The following ZNF727 variants were observed in gnomAD, a reference collection of about 807,000 sequenced individuals.
ZNF727 encodes the protein zinc finger protein 727.
Under a neutral mutation model 11.5 loss-of-function variants are expected in ZNF727, and 11 were observed. That is an observed-to-expected ratio of 0.95 (90% CI 0.60 to 1.58). The LOEUF (loss-of-function observed/expected upper bound fraction) is 1.58. Ranked by LOEUF, ZNF727 falls within the 40% of genes most tolerant of loss-of-function variation. ZNF727 has a pLI of 0.00. For synonymous variants in ZNF727, 171 were observed against 196.1 expected (o/e 0.87, Z 1.07); for missense variants, 533 against 581.7 (o/e 0.92, Z 0.86).
Position 64,053,925 on chromosome 7 carries a change from A to C in ZNF727, c.3+8301A>C, listed in dbSNP as rs532219078. 3.3e-5 allele frequency among the ~76,000 whole-genome samples: 5 copies of C among 152,310 alleles called. No homozygotes were observed. In the East Asian group the frequency reaches 9.7e-4, roughly 29 times the overall value. ...AGGTTAACTCACATTAATCAGATAA[A>C]AAAGTTGTGTCTAATTTCTCATTGT... On this transcript the variant is annotated intron_variant, in intron 1 of 3. Coordinates refer to ENST00000456806, the MANE Select transcript of ZNF727 (RefSeq NM_001159522.3).
At position 64,084,481 on chromosome 7, in the gene ZNF727, G is replaced by A. The variant is rs1277739421; in HGVS notation, c.*5932G>A. Among the ~76,000 whole-genome samples, 3 of 152,136 alleles carry A rather than the reference G, an allele frequency of 2.0e-5. No homozygotes were observed. The highest frequency in any genetic ancestry group is 7.2e-5 in the African/African-American group (3 of 41,428). ...ACAGATGGTAACAATATACTATTGT[G>A]TGACTGTGGAATAACATCTCTAGTG... On this transcript the variant is annotated 3_prime_UTR_variant, in exon 4 of 4. Coordinates refer to ENST00000456806, the MANE Select transcript of ZNF727 (RefSeq NM_001159522.3).
intron 3 of ZNF727, among the ~76,000 whole-genome samples, chr7:64,072,390 G>T (rs1667819585): frequency 1.3e-5 from 2 of 152,098 alleles, no homozygotes; most frequent in African/African-American, 2.4e-5. Context: ...TTGATCTGTA[G>T]GGCTAGCACT....
chr7:64,061,437 T>A (rs1309541298), intron 1 of ZNF727, among the ~76,000 whole-genome samples: 1 of 151,446 alleles, frequency 6.6e-6, no homozygotes, highest in Admixed American at 6.6e-5. Flanking sequence ...TTGTTTTCTC[T>A]TTTTATAGTT....
chr7:64,083,349 C>A lies in ZNF727; in HGVS notation c.*4800C>A, dbSNP rs770881160. On this transcript the variant is annotated 3_prime_UTR_variant, in exon 4 of 4. Coordinates refer to ENST00000456806, the MANE Select transcript of ZNF727 (RefSeq NM_001159522.3). ...TCCCAGGGAGGTACCGTACTGCTAC[C>A]AATGGTTGGCTGGAATTTTAAGCCA... Among the ~76,000 whole-genome samples, 55 of 152,206 alleles carry A rather than the reference C, an allele frequency of 3.6e-4. No homozygotes were observed. The highest frequency in any genetic ancestry group is 7.1e-4 in the Non-Finnish European group (48 of 68,044).
chr7:64,063,387 C>G (rs1344963755), intron 1 of ZNF727, among the ~76,000 whole-genome samples: 3 of 152,134 alleles, frequency 2.0e-5, no homozygotes, highest in Non-Finnish European at 4.4e-5. Flanking sequence ...GTAGAGGTAC[C>G]ACTTTGGTGG....
At chr7:64,047,476 C>G (rs1312364824) in intron 1 of ZNF727, among the ~76,000 whole-genome samples, 2 of 152,300 alleles carry the variant, frequency 1.3e-5, no homozygotes, top group Admixed American at 6.5e-5. Flanking sequence ...CCCAGCATGT[C>G]TTTGGATCCT....
chr7:64,059,014 C>T (rs1056474583), intron 1 of ZNF727, among the ~76,000 whole-genome samples: 5 of 149,084 alleles, frequency 3.4e-5, no homozygotes, highest in East Asian at 2.1e-4. Context: ...GCACGATCTA[C>T]GCTCACTGCA....
At chr7:64,051,006 C>T (rs1170883535) in intron 1 of ZNF727, among the ~76,000 whole-genome samples, 1 of 152,038 alleles carries the variant, frequency 6.6e-6, no homozygotes, top group Non-Finnish European at 1.5e-5. Flanking sequence ...AGAGTGATCA[C>T]TATTTAAAGC....
intron 3 of ZNF727, among the ~76,000 whole-genome samples, chr7:64,075,169 G>A (rs529323423): frequency 1.4e-4 from 21 of 151,862 alleles, no homozygotes; most frequent in African/African-American, 5.1e-4. Flanking sequence ...CTATATAATT[G>A]TATAAATTTA....
chr7:64,069,674 A>G, intron 3 of ZNF727, 65 bp downstream of exon 3: 1 of 1,228,814 alleles, frequency 8.1e-7, no homozygotes, highest in African/African-American at 1.5e-5. Flanking sequence ...AGGAAGCCAG[A>G]CCTTGAAACA....
rs1302802591 is a variant in ZNF727 at position 64,045,482 on chromosome 7, A to C, written c.-140A>C. The C allele has an allele frequency of 6.7e-6, 8 of 1,187,068 alleles. No individual in the cohort carries two copies. Among genetic ancestry groups the C allele is most frequent in the Non-Finnish European group, 9.8e-6 (8 of 816,500 alleles). 73.5% of individuals were successfully genotyped at this position (1,187,068 alleles called of 1,614,324 possible). A position where few individuals can be genotyped will look rare whatever the true frequency, so the allele number is the denominator to read the frequency against. ...TTCGTCTCCTAGCTTCTAGGCTCTG[A>C]GTCCAGTACCCGTCTGTACTATTCC... On this transcript the variant is annotated 5_prime_UTR_variant, in exon 1 of 4. Coordinates refer to ENST00000456806, the MANE Select transcript of ZNF727 (RefSeq NM_001159522.3).
At position 64,046,842 on chromosome 7, in the gene ZNF727, T is replaced by A. The variant is rs73356399; in HGVS notation, c.3+1218T>A. Among the ~76,000 whole-genome samples, 414 of 152,192 alleles carry A rather than the reference T, an allele frequency of 2.7e-3. 2 individuals are homozygous for A. The highest frequency in any genetic ancestry group is 9.3e-3 in the African/African-American group (385 of 41,536). On this transcript the variant is annotated intron_variant, in intron 1 of 3. Coordinates refer to ENST00000456806, the MANE Select transcript of ZNF727 (RefSeq NM_001159522.3). ...TGGAACAAAAGGCTTTTGTAAGAGG[T>A]ATGAGGAAGCAAACCAGATTCAGTA...
chr7:64,047,805 A>G (rs985163940), intron 1 of ZNF727, among the ~76,000 whole-genome samples: 5 of 152,234 alleles, frequency 3.3e-5, no homozygotes, highest in African/African-American at 1.2e-4. Flanking sequence ...TGCTCAACCA[A>G]TCAGGTGCTG....
chr7:64,067,933 A>T (rs1346112800), intron 1 of ZNF727, among the ~76,000 whole-genome samples: 1 of 152,068 alleles, frequency 6.6e-6, no homozygotes, highest in Non-Finnish European at 1.5e-5. Context: ...AAAGAGAAAG[A>T]CTTATTTATA....
chr7:64,055,067 A>G (rs764527961), intron 1 of ZNF727, among the ~76,000 whole-genome samples: 1 of 152,138 alleles, frequency 6.6e-6, no homozygotes, highest in Non-Finnish European at 1.5e-5. Flanking sequence ...TATGAAAATT[A>G]TTAAAAATAA....
chr7:64,046,978 G>GTTT (rs201543485), intron 1 of ZNF727, among the ~76,000 whole-genome samples: 24 of 148,110 alleles, frequency 1.6e-4, no homozygotes, highest in African/African-American at 3.2e-4. Flanking sequence ...TAAGTTTTGT[G>GTTT]TTTTTTTTTT....
intron 1 of ZNF727, among the ~76,000 whole-genome samples, chr7:64,058,950 C>CTTTTT (rs560995822): frequency 1.3e-4 from 19 of 145,386 alleles, no homozygotes; most frequent in African/African-American, 4.5e-4. Context: ...ATTGCATTGT[C>CTTTTT]TTTTTTTTTT....
chr7:64,065,332 G>A (rs1382295958), intron 1 of ZNF727, among the ~76,000 whole-genome samples: 1 of 152,058 alleles, frequency 6.6e-6, no homozygotes, highest in Non-Finnish European at 1.5e-5. Context: ...AGAAATTTCT[G>A]GCATCTGTGG....
At chr7:64,063,980 G>C (rs1034860906) in intron 1 of ZNF727, among the ~76,000 whole-genome samples, 4 of 152,096 alleles carry the variant, frequency 2.6e-5, no homozygotes, top group Non-Finnish European at 4.4e-5. Flanking sequence ...TCTTGTGTCA[G>C]CTTGTGGTGA....
Sources: allele counts gnomAD v4.1 joint callset (sites outside exome capture counted in the v4.1 genomes callset), GRCh38; gene constraint gnomAD v4.1.1; transcripts MANE v1.5; gene names NCBI Gene and HGNC (gene_info 2026-07-23, HGNC 2026-07-21).